NLRP7: variants seen among roughly 807,000 people sequenced by gnomAD.
The protein encoded by NLRP7 is NACHT, LRR and PYD domains-containing protein 7.
Under a neutral mutation model 85.5 loss-of-function variants are expected in NLRP7, and 72 were observed. The observed-to-expected ratio is 0.84, with a 90% confidence interval of 0.70 to 1.02. The LOEUF is 1.02. Ranked by LOEUF, NLRP7 falls within the 50% of genes least tolerant of loss-of-function variation. The pLI, the probability that NLRP7 is intolerant of heterozygous loss-of-function variation, is 0.00. For synonymous variants in NLRP7, 550 were observed against 505.2 expected (o/e 1.09, Z -1.19); for missense variants, 1,243 against 1,219.5 (o/e 1.02, Z -0.29).
At chr19:54,931,207 A>C (rs917043164) in intron 8 of NLRP7, among the ~76,000 whole-genome samples, 12 of 152,102 alleles carry the variant, frequency 7.9e-5, no homozygotes, top group Non-Finnish European at 1.8e-4. Context: ...AGATCATTTG[A>C]GGTCAGGAGT....
At chr19:54,951,868 A>AG (rs2069680235), upstream of NLRP7, among the ~76,000 whole-genome samples, 1 of 151,694 alleles carries the variant, frequency 6.6e-6, no homozygotes, top group South Asian at 2.1e-4. Flanking sequence ...CTCCTGCCTC[A>AG]GCCTCCCGAA....
In NLRP7 at chr19:54,939,348, C is replaced by T. The variant is rs1202417407; in HGVS notation, c.1471G>A (p.Asp491Asn). The change falls in exon 4 of 10, where the codon GAC becomes AAC. Residue 491 changes from aspartate (D) to asparagine (N), a missense_variant. Physicochemically the swap from Asp to Asn is conservative, Grantham distance 23. Coordinates refer to ENST00000340844, the Ensembl canonical transcript of NLRP7. ...TCCCCGATGTCCCAGGCGTGGCCGT[C>T]CCTGTCCTCCCCCTCCTCCTTCTCC... The T allele has an allele frequency of 2.6e-5, 42 of 1,614,020 alleles. No individual in the cohort carries two copies. The highest frequency in any genetic ancestry group is 3.3e-5 in the Admixed American group (2 of 59,986).
At chr19:54,926,205 G>GGTGTGTGTGTGTGT (rs138774910) in intron 9 of NLRP7, among the ~76,000 whole-genome samples, 8,997 of 143,644 alleles carry the variant, frequency 0.063, 271 homozygotes, top group East Asian at 0.15. Flanking sequence ...AATGATTAGG[G>GGTGTGTGTGTGTGT]GTGTGTGTGT....
chr19:54,930,185 G>A (rs2068616972), intron 9 of NLRP7, among the ~76,000 whole-genome samples: 1 of 151,506 alleles, frequency 6.6e-6, no homozygotes, highest in Non-Finnish European at 1.5e-5. Flanking sequence ...TTAAAAATGA[G>A]GCCAGGCATG....
intron 4 of NLRP7, among the ~76,000 whole-genome samples, chr19:54,938,634 G>C (rs1053305560): frequency 3.3e-5 from 5 of 152,194 alleles, no homozygotes; most frequent in Admixed American, 3.3e-4. Flanking sequence ...GCTGAGGCAG[G>C]AGAATCACTT....
chr19:54,932,768 A>G (rs1302798470), intron 8 of NLRP7, among the ~76,000 whole-genome samples: 4 of 151,276 alleles, frequency 2.6e-5, no homozygotes, highest in African/African-American at 9.7e-5. Flanking sequence ...CGATTCTCCT[A>G]CCTCAGCCTT....
At chr19:54,950,557 C>T (rs1050843682), upstream of NLRP7, among the ~76,000 whole-genome samples, 2 of 152,134 alleles carry the variant, frequency 1.3e-5, no homozygotes, top group Non-Finnish European at 2.9e-5. Context: ...AAGGTCTCTG[C>T]ATCATAGACA....
At position 54,940,009 on chromosome 19, in the gene NLRP7, G is replaced by A. The variant is rs545679560; in HGVS notation, c.810C>T (p.Cys270=). The A allele has an allele frequency of 8.7e-5, 141 of 1,614,124 alleles. 3 individuals are homozygous for A. The South Asian group carries it at 1.3e-3, about 15-fold the overall frequency. The change falls in exon 4 of 10, where the codon TGC becomes TGT. Residue 270 remains cysteine, a synonymous_variant. Coordinates refer to ENST00000340844, the Ensembl canonical transcript of NLRP7. ...CCGGCTTCTTCTTCTCCCAGTCCCC[G>A]CAGATGTCCTGGATCAGCGCCCCAG...
intron 9 of NLRP7, among the ~76,000 whole-genome samples, chr19:54,925,648 T>C (rs899478001): frequency 6.6e-6 from 1 of 151,936 alleles, no homozygotes; most frequent in African/African-American, 2.4e-5. Context: ...GAGCAAAACG[T>C]TGTCTCAGAA....
chr19:54,932,700 G>A (rs182741720), intron 8 of NLRP7, among the ~76,000 whole-genome samples: 5 of 152,108 alleles, frequency 3.3e-5, no homozygotes, highest in Admixed American at 3.3e-4. Context: ...CTGTCGCCCG[G>A]GCTGGAGTGC....
At chr19:54,939,535 G>A in exon 4 of NLRP7, 3 of 1,613,610 alleles carry the variant, frequency 1.9e-6, no homozygotes, top group Non-Finnish European at 1.7e-6. Flanking sequence ...GGTGGAACAC[G>A]GACATCTGCG....
chr19:54,941,490 G>A (rs970851371), exon 2 of NLRP7: 15 of 1,612,820 alleles, frequency 9.3e-6, no homozygotes, highest in Non-Finnish European at 1.1e-5. Context: ...TCTCTTCCAA[G>A]ATGTTCACAG....
At chr19:54,941,517 A>G (rs2069224780) in exon 2 of NLRP7, 4 of 1,613,792 alleles carry the variant, frequency 2.5e-6, no homozygotes, top group Non-Finnish European at 3.4e-6. Context: ...TCCTTATCCA[A>G]TTTTCTGAGG....
At position 54,954,293 on chromosome 19, in the gene NLRP7, G is replaced by A. The variant is rs981415017; in HGVS notation, c.-76-6788C>T. Among the ~76,000 whole-genome samples the A allele has an allele frequency of 3.0e-4, 44 of 148,340 alleles. 4 individuals are homozygous for A. The highest frequency in any genetic ancestry group is 8.4e-4 in the South Asian group (4 of 4,748). ...TGTAATCCCAGCACTTTGGGAGGCC[G>A]AGGCGGGTGGATCATGAGGTCAGGA... On this transcript the variant is annotated intron_variant, in intron 1 of 2. Transcript: ENST00000587103.
chr19:54,943,734 C>T (rs1254783827), intron 1 of NLRP7, among the ~76,000 whole-genome samples: 2 of 152,070 alleles, frequency 1.3e-5, no homozygotes, highest in Admixed American at 6.6e-5. Context: ...CCAGCTGTGA[C>T]GTGTGGGGAA....
At chr19:54,931,186 C>T (rs1205639321) in intron 8 of NLRP7, among the ~76,000 whole-genome samples, 1 of 152,060 alleles carries the variant, frequency 6.6e-6, no homozygotes, top group Non-Finnish European at 1.5e-5. Flanking sequence ...CAGTGGGAGG[C>T]CAAGACGGGC....
chr19:54,943,185 C>T (rs1285648959), intron 1 of NLRP7, among the ~76,000 whole-genome samples: 2 of 151,518 alleles, frequency 1.3e-5, no homozygotes, highest in East Asian at 3.9e-4. Context: ...TGGAACATAC[C>T]CGTAGTCCCA....
At chr19:54,930,370 G>A in intron 9 of NLRP7, 129 bp downstream of exon 9, 1 of 695,434 alleles carries the variant, frequency 1.4e-6, no homozygotes, top group East Asian at 2.7e-5. Flanking sequence ...GCTGAGGTGG[G>A]AGAACCGATC....
At chr19:54,923,652 A>C in exon 10 of NLRP7, 1 of 1,439,466 alleles carries the variant, frequency 6.9e-7, no homozygotes, top group Non-Finnish European at 9.7e-7. Context: ...TCTAGTGTTA[A>C]CATGTGACCC....
Sources: allele counts gnomAD v4.1 joint callset (sites outside exome capture counted in the v4.1 genomes callset), GRCh38; gene constraint gnomAD v4.1.1; transcripts MANE v1.5; gene names NCBI Gene and HGNC (gene_info 2026-07-23, HGNC 2026-07-21).